TUBA8: variants seen among roughly 807,000 people sequenced by gnomAD.
TUBA8 encodes tubulin alpha-8 chain.
A neutral mutation model predicts 34.7 loss-of-function variants in TUBA8; 29 were observed. That is an observed-to-expected ratio of 0.84 (90% CI 0.62 to 1.14). The LOEUF is 1.14. TUBA8 is among the 50% of genes most tolerant of loss of function. TUBA8 has a pLI of 0.00. For synonymous variants in TUBA8, 226 were observed against 231.2 expected, an observed-to-expected ratio of 0.98 and a Z score of 0.21; for missense variants, 541 against 599.2, an observed-to-expected ratio of 0.90 and a Z score of 1.01.
At chr22:18,123,100 A>AC (rs1265531294) in intron 2 of TUBA8, 1 of 75,804 alleles carries the variant, frequency 1.3e-5, no homozygotes, top group South Asian at 6.2e-4. Flanking sequence ...ACAGAGCGAG[A>AC]CCCCGTCTCC....
Position 18,124,361 on chromosome 22 carries a change from C to A in TUBA8, c.375+57C>A. On this transcript the variant is annotated intron_variant, in intron 3 of 4. Coordinates refer to ENST00000330423, the MANE Select transcript of TUBA8 (RefSeq NM_018943.3). This position sits in a 1 kb window ranked among gnomAD's most constrained non-coding sequence, Gnocchi z 4.3. ...CAGGCTGGAGTGGACAGGCTTGGCC[C>A]CATGCCTCTTTGATCAGGCTAGGGA... The A allele has an allele frequency of 1.9e-6, 3 of 1,575,712 alleles. No individual in the cohort carries two copies. Among genetic ancestry groups the A allele is most frequent in the African/African-American group, 1.3e-5 (1 of 74,482 alleles).
In TUBA8 at chr22:18,126,272, A is replaced by C; in HGVS notation, c.376-82A>C. The C allele has an allele frequency of 7.7e-7, 1 of 1,305,056 alleles. No homozygotes were observed. The highest frequency in any genetic ancestry group is 1.7e-5 in the Admixed American group (1 of 57,916). 80.8% of individuals were successfully genotyped at this position (1,305,056 alleles called of 1,614,324 possible). ...CCACAAAAAAATATGAGGCAGACAG[A>C]GTGGGCGGTCTGGCTTTTTTACTGT... is the stretch of plus-strand genomic sequence containing the variant. On this transcript the variant is annotated intron_variant, in intron 3 of 4. Transcript: ENST00000330423. The surrounding 1 kb of genome is among the most constrained non-coding windows in gnomAD (Gnocchi z 4.0).
intron 4 of TUBA8, 79 bp from the exon 5 acceptor site, chr22:18,130,764 C>T (rs907682183): frequency 1.3e-6 from 2 of 1,594,026 alleles, no homozygotes; most frequent in African/African-American, 1.3e-5. Flanking sequence ...TGCCAAGTGA[C>T]CAAGATGTCC....
Position 18,121,759 on chromosome 22 carries a change from G to C in TUBA8, c.226+58G>C, listed in dbSNP as rs1928158361. 1.3e-6 allele frequency: 2 copies of C among 1,519,532 alleles called. No homozygotes were observed. Among genetic ancestry groups the C allele is most frequent in the Middle Eastern group, 1.7e-4 (1 of 5,854 alleles). The allele number at this position is 1,519,532 out of a possible 1,614,324, so 94.1% of individuals were successfully genotyped here. On this transcript the variant is annotated intron_variant, in intron 2 of 4. Coordinates refer to ENST00000330423, the MANE Select transcript of TUBA8 (RefSeq NM_018943.3). This position sits in a 1 kb window ranked among gnomAD's most constrained non-coding sequence, Gnocchi z 4.8. ...ACATCTCGAAACTGCAGAGGCATTGGCCCACAGTAGCTAAGGAAGCAGCGT... is the reference window on the plus strand; with the variant it reads ...ACATCTCGAAACTGCAGAGGCATTGCCCCACAGTAGCTAAGGAAGCAGCGT...
In TUBA8 at chr22:18,129,638, G is replaced by C. The variant is rs553915769; in HGVS notation, c.1057-1205G>C. Reference sequence around the variant, plus strand: ...CCTCCAAGATGCCACCTGTGCCTAAGAGGAATGACGGCTGCTGTGGGTCCA... The same window carrying C: ...CCTCCAAGATGCCACCTGTGCCTAACAGGAATGACGGCTGCTGTGGGTCCA... On this transcript the variant is annotated intron_variant, in intron 4 of 4. Transcript: ENST00000330423. The C allele has an allele frequency of 6.6e-5, 10 of 152,334 alleles. No individual in the cohort carries two copies. In the East Asian group the frequency reaches 1.9e-3, roughly 29 times the overall value. The allele number at this position is 152,334 out of a possible 1,614,324, so 9.4% of individuals were successfully genotyped here. A position where few individuals can be genotyped will look rare whatever the true frequency, so the allele number is the denominator to read the frequency against.
At chr22:18,112,436 G>C (rs1569196756) in intron 1 of TUBA8, 2 of 152,140 alleles carry the variant, frequency 1.3e-5, no homozygotes, top group African/African-American at 2.4e-5. Flanking sequence ...ATATCTAGCA[G>C]GTAGCTAGTG....
chr22:18,122,350 A>G (rs142803324), intron 2 of TUBA8: 1 of 153,434 alleles, frequency 6.5e-6, no homozygotes, highest in African/African-American at 2.4e-5. Context: ...TTCTGCAAAG[A>G]GGACTGGGCA....
chr22:18,124,235 C>CT lies in TUBA8; in HGVS notation c.307dup (p.Tyr103LeufsTer14). On this transcript the variant is annotated frameshift_variant, in exon 3 of 5. Transcript: ENST00000330423. LOFTEE classifies it high-confidence loss of function. This position sits in a 1 kb window ranked among gnomAD's most constrained non-coding sequence, Gnocchi z 4.3. Reference sequence around the variant, plus strand: ...CAGGAAAGGAGGATGCAGCCAACAACTATGCCCGGGGCCACTACACGGTGG... The same window carrying CT: ...CAGGAAAGGAGGATGCAGCCAACAACTTATGCCCGGGGCCACTACACGGTGG... 1 of 1,614,202 alleles carries CT rather than the reference C, an allele frequency of 6.2e-7. No homozygotes were observed.
intron 4 of TUBA8, chr22:18,130,562 T>G: frequency 2.0e-6 from 1 of 498,262 alleles, no homozygotes; most frequent in South Asian, 2.1e-5. Flanking sequence ...TAGCTGGGAC[T>G]AGTAGGCATA....
chr22:18,124,920 G>C lies in TUBA8; in HGVS notation c.375+616G>C, dbSNP rs572287863. The C allele has an allele frequency of 6.5e-6, 1 of 152,772 alleles. No homozygotes were observed. Among genetic ancestry groups the C allele is most frequent in the Non-Finnish European group, 1.5e-5 (1 of 68,406 alleles). The allele number at this position is 152,772 out of a possible 1,614,324, so 9.5% of individuals were successfully genotyped here. A position where few individuals can be genotyped will look rare whatever the true frequency, so the allele number is the denominator to read the frequency against. ...CTTCCATTTGCTTATCTGTATAATG[G>C]AAAAGCTTGGACCTGATCACATGTT... On this transcript the variant is annotated intron_variant, in intron 3 of 4. Coordinates refer to ENST00000330423, the MANE Select transcript of TUBA8 (RefSeq NM_018943.3). The surrounding 1 kb of genome is among the most constrained non-coding windows in gnomAD (Gnocchi z 4.3).
chr22:18,127,969 G>A (rs1928393165), intron 4 of TUBA8: 1 of 152,172 alleles, frequency 6.6e-6, no homozygotes, highest in Non-Finnish European at 1.5e-5. Context: ...ACAGGCAGGA[G>A]CCACCGCGCC....
chr22:18,126,877 GC>G lies in TUBA8; in HGVS notation c.901del (p.Gln301ArgfsTer3), dbSNP rs1009281029. The G allele has an allele frequency of 1.2e-6, 2 of 1,611,784 alleles. No individual in the cohort carries two copies. The highest frequency in any genetic ancestry group is 2.7e-5 in the African/African-American group (2 of 75,000). ...EITSSCFEPN[S>X]QMVKCDPRHG... ...ACCAGCTCCTGCTTTGAGCCCAACA[GC>G]CAGATGGTGAAGTGCGACCCGAGAC... On this transcript the variant is annotated frameshift_variant, in exon 4 of 5. Coordinates refer to ENST00000330423, the MANE Select transcript of TUBA8 (RefSeq NM_018943.3). LOFTEE classifies it high-confidence loss of function. This position sits in a 1 kb window ranked among gnomAD's most constrained non-coding sequence, Gnocchi z 4.0.
Position 18,126,343 on chromosome 22 carries a change from G to A in TUBA8, c.376-11G>A. 6.2e-7 allele frequency: 1 copy of A among 1,613,952 alleles called. No individual in the cohort carries two copies. Among genetic ancestry groups the A allele is most frequent in the Non-Finnish European group, 8.5e-7 (1 of 1,179,906 alleles). ...TCTTCATGATTTCTTCTCATGTCCT[G>A]CTCTCCCTAGACAGATGCTTGCTCT... On this transcript the variant is annotated splice_polypyrimidine_tract_variant and intron_variant, in intron 3 of 4. Coordinates refer to ENST00000330423, the MANE Select transcript of TUBA8 (RefSeq NM_018943.3). The surrounding 1 kb of genome is among the most constrained non-coding windows in gnomAD (Gnocchi z 4.0).
rs755690097 is a variant in TUBA8 at position 18,131,193 on chromosome 22, A to G, written c.*57A>G. 6 of 1,570,124 alleles carry G rather than the reference A, an allele frequency of 3.8e-6. No homozygotes were observed. The highest frequency in any genetic ancestry group is 2.2e-5 in the South Asian group (2 of 89,636). ...ATTTATGCTGTGCCATTCAAAGCAC[A>G]TGTTCAAGAGAACAGAACACTCTCC... is the stretch of plus-strand genomic sequence containing the variant. On this transcript the variant is annotated 3_prime_UTR_variant, in exon 5 of 5. Transcript: ENST00000330423. This position sits in a 1 kb window ranked among gnomAD's most constrained non-coding sequence, Gnocchi z 5.3.
Position 18,125,896 on chromosome 22 carries a change from C to G in TUBA8, c.376-458C>G, listed in dbSNP as rs182618734. ...AAAAAAATAGAGACAGAGACTTGCTCTGTCATCCAAGCCAGAGTGCAGTGG... is the reference window on the plus strand; with the variant it reads ...AAAAAAATAGAGACAGAGACTTGCTGTGTCATCCAAGCCAGAGTGCAGTGG... On this transcript the variant is annotated intron_variant, in intron 3 of 4. Coordinates refer to ENST00000330423, the MANE Select transcript of TUBA8 (RefSeq NM_018943.3). 361 of 191,544 alleles carry G rather than the reference C, an allele frequency of 1.9e-3. 4 individuals are homozygous for G. In the Middle Eastern group the frequency reaches 0.04, roughly 21 times the overall value. The allele number at this position is 191,544 out of a possible 1,614,324, so 11.9% of individuals were successfully genotyped here. A position where few individuals can be genotyped will look rare whatever the true frequency, so the allele number is the denominator to read the frequency against.
In TUBA8 at chr22:18,121,826, C is replaced by T; in HGVS notation, c.226+125C>T. On this transcript the variant is annotated intron_variant, in intron 2 of 4. Coordinates refer to ENST00000330423, the MANE Select transcript of TUBA8 (RefSeq NM_018943.3). This position sits in a 1 kb window ranked among gnomAD's most constrained non-coding sequence, Gnocchi z 4.8. ...GGGATGGTGCAACCGCAGCCTCCCA[C>T]CCCACGTGACATCTGTCAGCTCCTT... 2.3e-6 allele frequency: 2 copies of T among 858,514 alleles called. No homozygotes were observed. 53.2% of individuals were successfully genotyped at this position (858,514 alleles called of 1,614,324 possible). A position where few individuals can be genotyped will look rare whatever the true frequency, so the allele number is the denominator to read the frequency against.
Position 18,110,873 on chromosome 22 carries a change from G to A in TUBA8, c.3+5G>A. 3 of 1,547,724 alleles carry A rather than the reference G, an allele frequency of 1.9e-6. No individual in the cohort carries two copies. On this transcript the variant is annotated splice_donor_5th_base_variant and intron_variant, in intron 1 of 4. Transcript: ENST00000330423. This position sits in a 1 kb window ranked among gnomAD's most constrained non-coding sequence, Gnocchi z 6.2. Reference sequence around the variant, plus strand: ...GCGAGGACAGCGGCAGCGATGGTGAGGCTTCCCGGGGCCAGGCGGGCTGCG... The same window carrying A: ...GCGAGGACAGCGGCAGCGATGGTGAAGCTTCCCGGGGCCAGGCGGGCTGCG...
intron 1 of TUBA8, chr22:18,112,785 G>A (rs1029282304): frequency 6.6e-6 from 1 of 152,190 alleles, no homozygotes; most frequent in Admixed American, 6.5e-5. Flanking sequence ...ACTTGTGTGC[G>A]TTGCACTGTC....
intron 4 of TUBA8, chr22:18,127,843 G>T (rs543929365): frequency 6.6e-6 from 1 of 151,136 alleles, no homozygotes; most frequent in African/African-American, 2.4e-5. Context: ...GACTACAGGC[G>T]CCTGCTACCA....
Sources: allele counts gnomAD v4.1 joint callset, GRCh38; gene constraint gnomAD v4.1.1; non-coding constraint Gnocchi (gnomAD v3.1); transcripts MANE v1.5; gene names NCBI Gene and HGNC (gene_info 2026-07-23, HGNC 2026-07-21).